The following USH2A variants were observed in gnomAD, a reference collection of about 807,000 sequenced individuals.
USH2A encodes the protein usherin.
Under a neutral mutation model 538.9 loss-of-function variants are expected in USH2A, and 443 were observed. The observed-to-expected ratio is 0.82, with a 90% CI of 0.76 to 0.89. The LOEUF (loss-of-function observed/expected upper bound fraction) is 0.89. USH2A is among the 40% of genes least tolerant of loss of function. USH2A has a pLI of 0.00. For synonymous variants in USH2A, 2,413 were observed against 2,273.5 expected (o/e 1.06, Z -1.75); for missense variants, 6,633 against 6,324.8 (o/e 1.05, Z -1.65).
At chr1:216,227,421 A>G (rs1387027393) in intron 14 of USH2A, among the ~76,000 whole-genome samples, 1 of 152,206 alleles carries the variant, frequency 6.6e-6, no homozygotes, top group Admixed American at 6.5e-5. Context: ...AAAGCAGGGC[A>G]GAATCAAAGG....
intron 41 of USH2A, among the ~76,000 whole-genome samples, chr1:215,879,421 A>C (rs1446253749): frequency 1.3e-5 from 2 of 152,226 alleles, no homozygotes; most frequent in Admixed American, 1.3e-4. Context: ...GAAAATTCAC[A>C]CATCCACATG....
chr1:215,790,896 G>A (rs575542876), intron 50 of USH2A, among the ~76,000 whole-genome samples: 1 of 152,294 alleles, frequency 6.6e-6, no homozygotes, highest in African/African-American at 2.4e-5. Flanking sequence ...TCACTGATCA[G>A]GTGCACTAAT....
intron 46 of USH2A, among the ~76,000 whole-genome samples, chr1:215,842,261 C>A (rs986899630): frequency 6.6e-6 from 1 of 152,148 alleles, no homozygotes; most frequent in African/African-American, 2.4e-5. Flanking sequence ...CAGTGAGATA[C>A]CATTTCATGC....
chr1:216,327,512 T>G lies in USH2A; in HGVS notation c.848+79A>C, dbSNP rs926680647. The G allele has an allele frequency of 3.8e-5, 57 of 1,507,840 alleles. 1 individual carries two copies. In the Admixed American group the frequency reaches 9.6e-4, roughly 25 times the overall value. 93.4% of individuals were successfully genotyped at this position (1,507,840 alleles called of 1,614,324 possible). A position where few individuals can be genotyped will look rare whatever the true frequency, so the allele number is the denominator to read the frequency against. Reference sequence around the variant, plus strand: ...GGTATAAAGATAAAAAATGGTATAATCTACATAGTATTCTTATTTAAGTGA... The same window carrying G: ...GGTATAAAGATAAAAAATGGTATAAGCTACATAGTATTCTTATTTAAGTGA... On this transcript the variant is annotated intron_variant, in intron 5 of 71. Coordinates refer to ENST00000307340, the MANE Select transcript of USH2A (RefSeq NM_206933.4).
chr1:216,087,672 G>T (rs948595923), intron 23 of USH2A, among the ~76,000 whole-genome samples: 1 of 152,068 alleles, frequency 6.6e-6, no homozygotes, highest in African/African-American at 2.4e-5. Flanking sequence ...CATGGTGATA[G>T]TTTACCAACC....
chr1:215,905,651 A>G (rs1665621957), intron 38 of USH2A, among the ~76,000 whole-genome samples: 1 of 152,094 alleles, frequency 6.6e-6, no homozygotes, highest in South Asian at 2.1e-4. Flanking sequence ...CCTGGCTTGC[A>G]GAAGCACTGC....
chr1:216,072,159 TCA>T (rs1346492832), intron 29 of USH2A, among the ~76,000 whole-genome samples: 1 of 152,188 alleles, frequency 6.6e-6, no homozygotes, highest in Admixed American at 6.5e-5. Context: ...GGAGATGTGT[TCA>T]GTTTCCTGAC....
In USH2A at chr1:215,934,599, C is replaced by T. The variant is rs1172521480; in HGVS notation, c.7300+17G>A. 1.2e-6 allele frequency: 2 copies of T among 1,609,714 alleles called. No homozygotes were observed. Among genetic ancestry groups the T allele is most frequent in the African/African-American group, 2.7e-5 (2 of 74,756 alleles). On this transcript the variant is annotated intron_variant, in intron 38 of 71. Transcript: ENST00000307340. ...CATTTATATAAAATTAGATAGCCAACATTTGCATAGACTTACCTCCTGGAG... is the reference window on the plus strand; with the variant it reads ...CATTTATATAAAATTAGATAGCCAATATTTGCATAGACTTACCTCCTGGAG...
intron 37 of USH2A, among the ~76,000 whole-genome samples, chr1:215,957,131 TAAGAGAC>T (rs1253327494): frequency 6.6e-6 from 1 of 152,170 alleles, no homozygotes; most frequent in Non-Finnish European, 1.5e-5. Flanking sequence ...CTTTTTTGCA[TAAGAGAC>T]ATTTGCTTCC....
At chr1:215,838,777 G>A (rs1571736043) in intron 46 of USH2A, among the ~76,000 whole-genome samples, 1 of 152,100 alleles carries the variant, frequency 6.6e-6, no homozygotes, top group Non-Finnish European at 1.5e-5. Context: ...TAACCAAGAG[G>A]GAGGAGAGAG....
At chr1:215,760,825 C>T (rs938536563) in intron 56 of USH2A, among the ~76,000 whole-genome samples, 1 of 152,206 alleles carries the variant, frequency 6.6e-6, no homozygotes, top group African/African-American at 2.4e-5. Context: ...TTCTCTCTCT[C>T]ATAAACTCCT....
rs757376043 is a variant in USH2A at position 215,786,890 on chromosome 1, G to A, written c.10183-16C>T. The A allele has an allele frequency of 5.1e-5, 82 of 1,613,088 alleles. No homozygotes were observed. The highest frequency in any genetic ancestry group is 6.7e-5 in the East Asian group (3 of 44,874). On this transcript the variant is annotated splice_polypyrimidine_tract_variant and intron_variant, in intron 51 of 71. Coordinates refer to ENST00000307340, the MANE Select transcript of USH2A (RefSeq NM_206933.4). ...CTTTGGTTTCCTGAGTCAAGTGGCA[G>A]GGGTGAGAGAGAGAGGGGTATTTAA... is the stretch of plus-strand genomic sequence containing the variant.
At chr1:215,924,910 G>C (rs1379229319) in intron 38 of USH2A, among the ~76,000 whole-genome samples, 1 of 152,002 alleles carries the variant, frequency 6.6e-6, no homozygotes, top group East Asian at 1.9e-4. Context: ...GCAGCCCTTT[G>C]CTGGAGGCTT....
rs202110733 is a variant in USH2A at position 216,292,177 on chromosome 1, G to T, written c.1838C>A (p.Thr613Lys). ...GVCDDCEHNT[T>K]GRNCELCKDY... is the part of the protein sequence containing the mutation. ...TCAGGAATTTATTTGCTACTTACCT[G>T]TAGTGTTATGCTCACAATCATCACA... is the stretch of plus-strand genomic sequence containing the variant. The change falls in exon 10 of 72, where the codon ACA becomes AAA. Residue 613 changes from threonine (T) to lysine (K), a missense_variant and splice_region_variant. Transcript: ENST00000307340. 1 of 1,613,910 alleles carries T rather than the reference G, an allele frequency of 6.2e-7. No homozygotes were observed. The highest frequency in any genetic ancestry group is 8.5e-7 in the Non-Finnish European group (1 of 1,179,936).
At chr1:215,646,955 T>C (rs1264618315) in intron 67 of USH2A, among the ~76,000 whole-genome samples, 4 of 152,256 alleles carry the variant, frequency 2.6e-5, no homozygotes, top group South Asian at 2.1e-4. Context: ...GGTTATAACA[T>C]GTAGGTCTGT....
At chr1:216,383,987 C>T (rs1280906971) in intron 3 of USH2A, among the ~76,000 whole-genome samples, 2 of 151,344 alleles carry the variant, frequency 1.3e-5, no homozygotes, top group African/African-American at 2.4e-5. Flanking sequence ...CGGCATGGGG[C>T]ACCACACCCA....
intron 21 of USH2A, among the ~76,000 whole-genome samples, chr1:216,102,890 C>T (rs775808254): frequency 2.4e-4 from 37 of 152,120 alleles, no homozygotes; most frequent in Admixed American, 9.8e-4. Flanking sequence ...CCAGCCCCAC[C>T]CAAATGCATA....
rs201716821 is a variant in USH2A, at chr1:215,856,696, G to GT, written c.8845+10310dup. 5.4e-3 allele frequency among the ~76,000 whole-genome samples: 821 copies of GT among 152,176 alleles called. 5 individuals are homozygous for GT. Among genetic ancestry groups the GT allele is most frequent in the African/African-American group, 0.018 (761 of 41,510 alleles). ...TTTGATTCATCAATCCTACTCCTGG[G>GT]TATCTACCAAGAGGAAAAGAAGTCA... On this transcript the variant is annotated intron_variant, in intron 44 of 71. Coordinates refer to ENST00000307340, the MANE Select transcript of USH2A (RefSeq NM_206933.4).
At chr1:215,828,814 ATCTT>A (rs1663233814) in intron 47 of USH2A, among the ~76,000 whole-genome samples, 1 of 152,198 alleles carries the variant, frequency 6.6e-6, no homozygotes, top group African/African-American at 2.4e-5. Flanking sequence ...GTAATAAAAC[ATCTT>A]TCTTGTTTGT....
Sources: gnomAD v4.1 joint callset for allele counts (sites outside exome capture counted in the v4.1 genomes callset) on GRCh38, gnomAD v4.1.1 for gene constraint, MANE v1.5 for transcripts, NCBI Gene and HGNC (gene_info 2026-07-23, HGNC 2026-07-21) for gene names.